Variants in TRRAP observed in about 807,000 individuals in gnomAD.
TRRAP encodes transformation/transcription domain associated protein.
Under a neutral mutation model 438.8 loss-of-function variants are expected in TRRAP, and 41 were observed. The ratio of observed to expected loss-of-function variants is 0.09; its 90% confidence interval spans 0.07 to 0.12. The LOEUF (loss-of-function observed/expected upper bound fraction) is 0.12, where lower values mean the gene tolerates loss of function less well. TRRAP is among the 10% of genes least tolerant of loss of function. The probability of loss-of-function intolerance (pLI) is 1.00; values close to 1 mark genes in which losing one functional copy is unlikely to be tolerated. For synonymous variants in TRRAP, 1,994 were observed against 1,962.9 expected (o/e 1.02, Z -0.42); for missense variants, 3,122 against 5,055.1 (o/e 0.62, Z 11.60).
At chr7:98,965,330 G>A (rs950619409) in intron 48 of TRRAP, among the ~76,000 whole-genome samples, 1 of 152,196 alleles carries the variant, frequency 6.6e-6, no homozygotes, top group Non-Finnish European at 1.5e-5. Flanking sequence ...GCTGAGCAGT[G>A]GGCTCCTGGA....
intron 30 of TRRAP, among the ~76,000 whole-genome samples, chr7:98,938,422 C>T (rs1169087615): frequency 6.6e-6 from 1 of 152,198 alleles, no homozygotes; most frequent in Non-Finnish European, 1.5e-5. Context: ...AAGCCTCCCT[C>T]CCACCCTGTC....
At chr7:98,891,931 AC>A (rs1554404980) in intron 4 of TRRAP, among the ~76,000 whole-genome samples, 14 of 152,198 alleles carry the variant, frequency 9.2e-5, no homozygotes, top group Non-Finnish European at 2.1e-4. Flanking sequence ...CCAGTGTGAG[AC>A]CTTACATATT....
chr7:98,977,350 C>T (rs866440806), intron 56 of TRRAP, among the ~76,000 whole-genome samples: 18 of 152,108 alleles, frequency 1.2e-4, no homozygotes, highest in African/African-American at 3.4e-4. Flanking sequence ...TTAGTAGAGA[C>T]GGGGTTTTGC....
chr7:98,895,155 C>G (rs1296882118), intron 6 of TRRAP, among the ~76,000 whole-genome samples: 1 of 152,184 alleles, frequency 6.6e-6, no homozygotes, highest in East Asian at 1.9e-4. Flanking sequence ...ATCCTCTAGT[C>G]TTGGCCTCCC....
At chr7:98,915,701 C>A in intron 18 of TRRAP, 22 bp from the exon 19 acceptor site, 1 of 1,610,270 alleles carries the variant, frequency 6.2e-7, no homozygotes, top group East Asian at 2.2e-5. Flanking sequence ...TGCCACTAAT[C>A]TGCGTCTTCT....
chr7:98,998,912 G>A (rs2116833944), intron 67 of TRRAP: 1 of 483,604 alleles, frequency 2.1e-6, no homozygotes, highest in East Asian at 3.3e-5. Context: ...GAGGCCCCAT[G>A]GTAGGTCAGT....
chr7:98,997,030 G>A (rs185825797), intron 67 of TRRAP, among the ~76,000 whole-genome samples: 2 of 152,122 alleles, frequency 1.3e-5, no homozygotes, highest in Admixed American at 1.3e-4. Flanking sequence ...TTCTTGGTGG[G>A]CACGGTGGCT....
intron 65 of TRRAP, 92 bp downstream of exon 65, chr7:98,992,319 C>T: frequency 6.8e-6 from 9 of 1,330,174 alleles, no homozygotes; most frequent in Non-Finnish European, 9.6e-6. Flanking sequence ...GCCACCCCTG[C>T]CCTGCAGCTC....
intron 16 of TRRAP, 47 bp downstream of exon 16, chr7:98,910,654 C>CT: frequency 6.6e-7 from 1 of 1,520,482 alleles, no homozygotes; most frequent in Non-Finnish European, 9.0e-7. Context: ...GAAAGTACCT[C>CT]TTAGTATTAG....
In TRRAP at chr7:98,990,436, A is replaced by G; in HGVS notation, c.9592-19A>G. On this transcript the variant is annotated intron_variant, in intron 63 of 72. Coordinates refer to ENST00000456197, the MANE Select transcript of TRRAP (RefSeq NM_001375524.1). ...TTCAGAATTGTCATTCTACTCTAGA[A>G]TTTCTCCTTCTGTCTCAGGTGCTGT... 8 of 1,609,022 alleles carry G rather than the reference A, an allele frequency of 5.0e-6. No individual in the cohort carries two copies. Among genetic ancestry groups the G allele is most frequent in the Non-Finnish European group, 6.8e-6 (8 of 1,175,712 alleles).
chr7:98,945,603 TTTG>T, intron 31 of TRRAP, 141 bp from the exon 32 acceptor site: 2 of 891,968 alleles, frequency 2.2e-6, no homozygotes, highest in Non-Finnish European at 3.3e-6. Flanking sequence ...CTGTTGAGCA[TTTG>T]TTAATTACTG....
At chr7:98,995,851 C>T (rs1793629577) in intron 67 of TRRAP, among the ~76,000 whole-genome samples, 1 of 150,458 alleles carries the variant, frequency 6.6e-6, no homozygotes, top group African/African-American at 2.5e-5. Flanking sequence ...TAGACACCTA[C>T]ATCCCATTTA....
chr7:98,880,650 A>G (rs567484508), intron 1 of TRRAP, among the ~76,000 whole-genome samples: 2 of 152,294 alleles, frequency 1.3e-5, no homozygotes, highest in East Asian at 3.9e-4. Context: ...TTCATGGTAA[A>G]TGAGAGTTAT....
In TRRAP at chr7:98,993,731, T is replaced by C. The variant is rs748280161; in HGVS notation, c.10041T>C (p.His3347=). The change falls in exon 66 of 73, where the codon CAT becomes CAC. Residue 3347 remains histidine (H), a synonymous_variant. Coordinates refer to ENST00000456197, the MANE Select transcript of TRRAP (RefSeq NM_001375524.1). ...DQMVWFRENW[H]EEVLRQLQQG... is the part of the protein sequence containing the mutation. ...TGGTCTGGTTCAGAGAAAATTGGCA[T>C]GAAGAGGTATTTGGCTCTGATCTTG... 4 of 1,614,110 alleles carry C rather than the reference T, an allele frequency of 2.5e-6. No individual in the cohort carries two copies. The African/African-American group carries it at 4.0e-5, about 16-fold the overall frequency.
At chr7:98,893,687 AGCAAATCC>A (rs1554405283) in intron 5 of TRRAP, 103 bp from the exon 6 acceptor site, 2 of 962,368 alleles carry the variant, frequency 2.1e-6, no homozygotes, top group African/African-American at 3.3e-5. Context: ...ATGAATTTTC[AGCAAATCC>A]AATAGTTGGT....
intron 45 of TRRAP, among the ~76,000 whole-genome samples, 186 bp from the exon 46 acceptor site, chr7:98,961,075 A>C (rs757231076): frequency 2.0e-5 from 3 of 152,238 alleles, no homozygotes; most frequent in Admixed American, 6.5e-5. Flanking sequence ...GAGTTTGAGT[A>C]GTTATTTAAA....
chr7:98,950,466 G>A (rs185172731), intron 38 of TRRAP, among the ~76,000 whole-genome samples: 79 of 152,238 alleles, frequency 5.2e-4, no homozygotes, highest in South Asian at 1.5e-3. Flanking sequence ...AGGCTGCACC[G>A]AGCTATAATC....
At position 99,012,214 on chromosome 7, in the gene TRRAP, A is replaced by G. The variant is rs1446726935; in HGVS notation, c.11481A>G (p.Lys3827=). Residue 3827 remains lysine (K), a synonymous_variant, in exon 73 of 73, where the codon AAA becomes AAG. Transcript: ENST00000456197. This position sits in a 1 kb window ranked among gnomAD's most constrained non-coding sequence, Gnocchi z 5.9. The part of the protein sequence containing the change: ...DSQQLVSLVQ[K]AVTAIMTRLH... ...AGCAACTGGTGTCCCTGGTTCAGAA[A>G]GCCGTCACCGCCATCATGACCCGCC... 6.2e-7 allele frequency: 1 copy of G among 1,614,146 alleles called. No individual in the cohort carries two copies. The highest frequency in any genetic ancestry group is 8.5e-7 in the Non-Finnish European group (1 of 1,180,018).
chr7:98,890,520 T>C, intron 4 of TRRAP, 75 bp downstream of exon 4: 1 of 1,063,668 alleles, frequency 9.4e-7, no homozygotes, highest in Non-Finnish European at 1.3e-6. Context: ...CTCAGAAAAC[T>C]TACGGTTCCA....
Sources: gnomAD v4.1 joint callset for allele counts (sites outside exome capture counted in the v4.1 genomes callset) on GRCh38, gnomAD v4.1.1 for gene constraint, Gnocchi (gnomAD v3.1) non-coding constraint, MANE v1.5 for transcripts, NCBI Gene and HGNC (gene_info 2026-07-23, HGNC 2026-07-21) for gene names.